ADAMTS3: variants seen among roughly 807,000 people sequenced by gnomAD.
ADAMTS3 encodes the protein ADAM metallopeptidase with thrombospondin type 1 motif 3.
ADAMTS3 carries 73 observed loss-of-function variants against 129.0 expected under a neutral mutation model. The ratio of observed to expected loss-of-function variants is 0.57; its 90% CI spans 0.47 to 0.69. The LOEUF is 0.69. Ranked by LOEUF, ADAMTS3 falls within the 30% of genes least tolerant of loss-of-function variation. The pLI, the probability that ADAMTS3 is intolerant of heterozygous loss-of-function variation, is 0.00. For synonymous variants in ADAMTS3, 477 were observed against 510.8 expected, an observed-to-expected ratio of 0.93 and a Z score of 0.89; for missense variants, 1,457 against 1,514.5, an observed-to-expected ratio of 0.96 and a Z score of 0.63.
intron 5 of ADAMTS3, among the ~76,000 whole-genome samples, chr4:72,334,756 T>C (rs189155133): frequency 2.6e-5 from 4 of 152,328 alleles, no homozygotes; most frequent in Admixed American, 2.6e-4. Flanking sequence ...TATAAACATT[T>C]CTTGATATAA....
At chr4:72,292,288 T>G (rs1239788443) in intron 19 of ADAMTS3, among the ~76,000 whole-genome samples, 3 of 152,224 alleles carry the variant, frequency 2.0e-5, no homozygotes, top group African/African-American at 4.8e-5. Flanking sequence ...CGAGGGCACA[T>G]TTTTATAAAA....
At chr4:72,327,137 T>C (rs1719719618) in intron 5 of ADAMTS3, among the ~76,000 whole-genome samples, 1 of 152,148 alleles carries the variant, frequency 6.6e-6, no homozygotes, top group Non-Finnish European at 1.5e-5. Context: ...ATTTAGACTT[T>C]TTAAAATGTC....
chr4:72,320,919 C>T (rs944533667), intron 6 of ADAMTS3, 49 bp from the exon 7 acceptor site: 1 of 1,560,626 alleles, frequency 6.4e-7, no homozygotes, highest in Non-Finnish European at 8.7e-7. Flanking sequence ...TTCCCAAAGG[C>T]TTCGTTTGAT....
At chr4:72,409,169 A>C (rs1231666523) in intron 4 of ADAMTS3, among the ~76,000 whole-genome samples, 1 of 152,220 alleles carries the variant, frequency 6.6e-6, no homozygotes, top group African/African-American at 2.4e-5. Context: ...AAAAGGGTCT[A>C]TCCCTCCTAA....
chr4:72,394,321 A>G (rs1474263935), intron 4 of ADAMTS3, among the ~76,000 whole-genome samples: 2 of 152,206 alleles, frequency 1.3e-5, no homozygotes, highest in Non-Finnish European at 2.9e-5. Flanking sequence ...TTTTACAGAA[A>G]TGTTAAGGGA....
At chr4:72,284,393 C>A (rs1327468413) in intron 21 of ADAMTS3, among the ~76,000 whole-genome samples, 2 of 147,874 alleles carry the variant, frequency 1.4e-5, no homozygotes, top group Non-Finnish European at 3.0e-5. Context: ...TGCAGTGAGC[C>A]AAGATTGTGC....
At chr4:72,514,313 G>A (rs1578749625) in intron 3 of ADAMTS3, among the ~76,000 whole-genome samples, 1 of 152,156 alleles carries the variant, frequency 6.6e-6, no homozygotes, top group Non-Finnish European at 1.5e-5. Context: ...CCATGTATTG[G>A]TGAATAAGGC....
At chr4:72,516,169 G>T (rs186263589) in intron 3 of ADAMTS3, among the ~76,000 whole-genome samples, 3 of 152,194 alleles carry the variant, frequency 2.0e-5, no homozygotes, top group Admixed American at 2.0e-4. Context: ...TTATTTCTGA[G>T]GGCTCTGTTC....
chr4:72,446,681 C>G (rs375248592), intron 3 of ADAMTS3, among the ~76,000 whole-genome samples: 2 of 151,654 alleles, frequency 1.3e-5, no homozygotes, highest in African/African-American at 4.8e-5. Flanking sequence ...TAATATGAGG[C>G]CTTACAAACT....
At chr4:72,511,552 A>T (rs968735651) in intron 3 of ADAMTS3, among the ~76,000 whole-genome samples, 4 of 152,252 alleles carry the variant, frequency 2.6e-5, no homozygotes, top group African/African-American at 9.6e-5. Flanking sequence ...ATGCAAATTA[A>T]AACTACAATG....
Position 72,487,915 on chromosome 4 carries a change from T to C in ADAMTS3, c.504+60563A>G, listed in dbSNP as rs143594382. ...ATAAGGCTTGACTTAAGAGAAAAAA[T>C]AGCTCTTCCTAAGAGAAAAAATAGC... is the stretch of plus-strand genomic sequence containing the variant. On this transcript the variant is annotated intron_variant, in intron 3 of 21. Transcript: ENST00000286657. Among the ~76,000 whole-genome samples the C allele has an allele frequency of 1.9e-3, 282 of 152,014 alleles. 2 individuals are homozygous for C. The highest frequency in any genetic ancestry group is 6.7e-3 in the African/African-American group (279 of 41,522).
At chr4:72,435,982 C>T (rs942508338) in intron 3 of ADAMTS3, among the ~76,000 whole-genome samples, 2 of 152,012 alleles carry the variant, frequency 1.3e-5, no homozygotes, top group South Asian at 2.1e-4. Context: ...GCAATGGCAA[C>T]AAAAGACAAA....
At chr4:72,336,218 C>T (rs1226873652) in intron 5 of ADAMTS3, among the ~76,000 whole-genome samples, 1 of 152,172 alleles carries the variant, frequency 6.6e-6, no homozygotes, top group East Asian at 1.9e-4. Flanking sequence ...ACCTTTCACA[C>T]TAATCAATGC....
At chr4:72,379,328 G>A (rs1465943057) in intron 4 of ADAMTS3, among the ~76,000 whole-genome samples, 1 of 151,896 alleles carries the variant, frequency 6.6e-6, no homozygotes, top group African/African-American at 2.4e-5. Flanking sequence ...CAGGGGCAAG[G>A]CAAAGCAAGT....
chr4:72,494,801 T>C (rs1719836222), intron 3 of ADAMTS3, among the ~76,000 whole-genome samples: 1 of 152,044 alleles, frequency 6.6e-6, no homozygotes. Context: ...TGGGGGTGCT[T>C]AGTAGTAATT....
At position 72,419,549 on chromosome 4, in the gene ADAMTS3, C is replaced by T. The variant is rs113512445; in HGVS notation, c.505-4578G>A. On this transcript the variant is annotated intron_variant, in intron 3 of 21. Transcript: ENST00000286657. ...CTGTGTCCTGTGGGCCACAGGCAGC[C>T]CAGGACAGCTTTGAATGCAGCCCAA... is the stretch of plus-strand genomic sequence containing the variant. 5.9e-3 allele frequency among the ~76,000 whole-genome samples: 894 copies of T among 152,230 alleles called. 15 individuals carry two copies. The highest frequency in any genetic ancestry group is 0.021 in the African/African-American group (855 of 41,518).
At chr4:72,359,606 C>T (rs1313824485) in intron 4 of ADAMTS3, among the ~76,000 whole-genome samples, 1 of 151,940 alleles carries the variant, frequency 6.6e-6, no homozygotes, top group Admixed American at 6.6e-5. Flanking sequence ...CCCCCAGACT[C>T]TGGACTCCAT....
chr4:72,451,376 T>G (rs1477935870), intron 3 of ADAMTS3, among the ~76,000 whole-genome samples: 1 of 151,814 alleles, frequency 6.6e-6, no homozygotes, highest in Admixed American at 6.6e-5. Context: ...TCTGAGGTCA[T>G]TTCTTACTAG....
At chr4:72,386,616 A>G (rs569453815) in intron 4 of ADAMTS3, among the ~76,000 whole-genome samples, 198 of 152,300 alleles carry the variant, frequency 1.3e-3, no homozygotes, top group African/African-American at 4.5e-3. Context: ...ACTGAACAAC[A>G]CTGATGAGTC....
Sources: gnomAD v4.1 joint callset for allele counts (sites outside exome capture counted in the v4.1 genomes callset) on GRCh38, gnomAD v4.1.1 for gene constraint, MANE v1.5 for transcripts, NCBI Gene and HGNC (gene_info 2026-07-23, HGNC 2026-07-21) for gene names.